Variants in FRMD3 observed in about 807,000 individuals in gnomAD.
The protein encoded by FRMD3 is FERM domain-containing protein 3.
Under a neutral mutation model 70.2 loss-of-function variants are expected in FRMD3, and 33 were observed. The observed-to-expected ratio is 0.47, with a 90% CI of 0.36 to 0.63. The LOEUF (loss-of-function observed/expected upper bound fraction) is 0.63, where lower values mean the gene tolerates loss of function less well. FRMD3 is among the 20% of genes least tolerant of loss of function. The pLI is 0.00. For synonymous variants in FRMD3, 279 were observed against 255.9 expected (o/e 1.09, Z -0.86); for missense variants, 632 against 711.4 (o/e 0.89, Z 1.27).
At chr9:83,368,763 T>C (rs1212336968) in intron 3 of FRMD3, among the ~76,000 whole-genome samples, 2 of 152,228 alleles carry the variant, frequency 1.3e-5, no homozygotes, top group African/African-American at 4.8e-5. Context: ...ACATTTTGTG[T>C]CATTAGATTT....
intron 5 of FRMD3, among the ~76,000 whole-genome samples, chr9:83,337,571 G>T (rs975426066): frequency 1.3e-5 from 2 of 152,170 alleles, no homozygotes; most frequent in Non-Finnish European, 2.9e-5. Context: ...AGAAACAAAA[G>T]ATATGGCCCA....
intron 2 of FRMD3, among the ~76,000 whole-genome samples, chr9:83,381,415 G>C (rs1217979833): frequency 6.6e-6 from 1 of 152,102 alleles, no homozygotes; most frequent in East Asian, 1.9e-4. Flanking sequence ...AATTAGCCGG[G>C]TGTGGTGGCA....
intron 6 of FRMD3, among the ~76,000 whole-genome samples, chr9:83,331,525 C>G (rs941596219): frequency 4.6e-5 from 7 of 152,138 alleles, no homozygotes; most frequent in Non-Finnish European, 8.8e-5. Flanking sequence ...TGGAATGATA[C>G]TATACATTCA....
chr9:83,306,827 A>G (rs913521974), intron 10 of FRMD3, among the ~76,000 whole-genome samples: 2 of 152,252 alleles, frequency 1.3e-5, no homozygotes, highest in Non-Finnish European at 1.5e-5. Context: ...AGAAAGGAAC[A>G]AGGGAGAGTA....
intron 5 of FRMD3, among the ~76,000 whole-genome samples, chr9:83,338,595 G>C (rs967999007): frequency 2.0e-5 from 3 of 152,116 alleles, no homozygotes; most frequent in African/African-American, 7.2e-5. Flanking sequence ...GATCCCAAAA[G>C]CAGTGTTCTG....
intron 4 of FRMD3, among the ~76,000 whole-genome samples, chr9:83,346,447 G>A (rs569395769): frequency 6.6e-6 from 1 of 152,034 alleles, no homozygotes; most frequent in African/African-American, 2.4e-5. Context: ...AGACCCAAAA[G>A]GCTACACATT....
chr9:83,544,346 C>T, the FRMD3 span, among the ~76,000 whole-genome samples: 1 of 152,164 alleles, frequency 6.6e-6, no homozygotes, highest in African/African-American at 2.4e-5. Context: ...CCTAAGCACC[C>T]CATCAGGGCT....
intron 13 of FRMD3, among the ~76,000 whole-genome samples, chr9:83,273,329 A>G (rs1045382842): frequency 4.6e-5 from 7 of 150,948 alleles, no homozygotes; most frequent in Non-Finnish European, 1.0e-4. Flanking sequence ...CTATAACCTT[A>G]CCCCCAACCC....
the FRMD3 span, among the ~76,000 whole-genome samples, chr9:83,551,356 G>A: frequency 2.6e-5 from 4 of 152,166 alleles, no homozygotes; most frequent in Non-Finnish European, 4.4e-5. Flanking sequence ...GCTTTTTGAT[G>A]TGCAGCTGGA....
At chr9:83,551,277 T>C in the FRMD3 span, among the ~76,000 whole-genome samples, 1 of 152,216 alleles carries the variant, frequency 6.6e-6, no homozygotes. Flanking sequence ...TGAATCACAT[T>C]TATTGATTGT....
chr9:83,506,499 C>A (rs1756018705), intron 1 of FRMD3, among the ~76,000 whole-genome samples: 1 of 152,164 alleles, frequency 6.6e-6, no homozygotes, highest in Non-Finnish European at 1.5e-5. Flanking sequence ...CAATGGGAAG[C>A]ACTTGTGTAT....
intron 1 of FRMD3, among the ~76,000 whole-genome samples, chr9:83,428,734 T>C (rs142089987): frequency 6.6e-6 from 1 of 152,318 alleles, no homozygotes; most frequent in Non-Finnish European, 1.5e-5. Context: ...GTGATGCCTT[T>C]AGCCTAAAAT....
intron 1 of FRMD3, among the ~76,000 whole-genome samples, chr9:83,519,157 T>C (rs1829517532): frequency 6.6e-6 from 1 of 152,098 alleles, no homozygotes; most frequent in Admixed American, 6.5e-5. Context: ...CTAGTTAAAC[T>C]AAAGCGCTTC....
intron 1 of FRMD3, among the ~76,000 whole-genome samples, chr9:83,523,156 ATG>A (rs1491037071): frequency 4.8e-5 from 5 of 103,630 alleles, no homozygotes; most frequent in African/African-American, 1.9e-4. Context: ...TGGATGGAGG[ATG>A]GATGGATGGA....
chr9:83,280,950 A>G (rs748941806), intron 13 of FRMD3, among the ~76,000 whole-genome samples: 2 of 152,200 alleles, frequency 1.3e-5, no homozygotes, highest in Non-Finnish European at 2.9e-5. Context: ...GTACACTCCC[A>G]AGACTCAGCC....
chr9:83,445,852 T>C (rs983189923), intron 1 of FRMD3, among the ~76,000 whole-genome samples: 1 of 152,168 alleles, frequency 6.6e-6, no homozygotes, highest in African/African-American at 2.4e-5. Context: ...ACTTCACAAT[T>C]TGGAATAAAC....
intron 1 of FRMD3, among the ~76,000 whole-genome samples, chr9:83,442,392 G>A (rs552716451): frequency 1.3e-4 from 19 of 151,522 alleles, no homozygotes; most frequent in Non-Finnish European, 2.7e-4. Flanking sequence ...CAAGTAACTG[G>A]GACTACAGGT....
chr9:83,257,401 A>G (rs146782201), intron 13 of FRMD3, among the ~76,000 whole-genome samples: 28 of 152,240 alleles, frequency 1.8e-4, no homozygotes, highest in African/African-American at 6.5e-4. Flanking sequence ...GAACATCAGG[A>G]GGAATGGATG....
intron 1 of FRMD3, among the ~76,000 whole-genome samples, chr9:83,520,806 A>G (rs1829553923): frequency 6.6e-6 from 1 of 151,980 alleles, no homozygotes; most frequent in African/African-American, 2.4e-5. Flanking sequence ...TGACTACTCT[A>G]ACAGCTTAAT....
Sources: allele counts gnomAD v4.1 joint callset (sites outside exome capture counted in the v4.1 genomes callset), GRCh38; gene constraint gnomAD v4.1.1; transcripts MANE v1.5; gene names NCBI Gene and HGNC (gene_info 2026-07-23, HGNC 2026-07-21).